The following NPAS3 variants were observed in gnomAD, a reference collection of about 807,000 sequenced individuals.
NPAS3 encodes the protein neuronal PAS domain protein 3, also known as neuronal PAS domain-containing protein 3.
In NPAS3, 14 loss-of-function variants were observed where a neutral mutation model predicts 73.1. That is an observed-to-expected ratio of 0.19 (90% CI 0.13 to 0.30). The LOEUF (loss-of-function observed/expected upper bound fraction) is 0.30, where lower values mean the gene tolerates loss of function less well. Ranked by LOEUF, NPAS3 falls within the 10% of genes least tolerant of loss-of-function variation. The pLI, the probability that NPAS3 is intolerant of heterozygous loss-of-function variation, is 1.00. For synonymous variants in NPAS3, 620 were observed against 541.5 expected, an observed-to-expected ratio of 1.14 and a Z score of -2.01; for missense variants, 1,096 against 1,250.0, an observed-to-expected ratio of 0.88 and a Z score of 1.86.
intron 4 of NPAS3, among the ~76,000 whole-genome samples, chr14:33,463,326 C>G (rs1163768606): frequency 6.6e-6 from 1 of 152,090 alleles, no homozygotes; most frequent in African/African-American, 2.4e-5. Flanking sequence ...TTTGTATCAC[C>G]TCAAATCTTG....
intron 4 of NPAS3, among the ~76,000 whole-genome samples, chr14:33,413,750 G>A (rs569922661): frequency 6.6e-6 from 1 of 152,034 alleles, no homozygotes; most frequent in Non-Finnish European, 1.5e-5. Context: ...CCTCTGAAAA[G>A]ACTTCAGACT....
At chr14:33,764,201 C>G (rs988863418) in intron 7 of NPAS3, among the ~76,000 whole-genome samples, 1 of 152,208 alleles carries the variant, frequency 6.6e-6, no homozygotes, top group Admixed American at 6.5e-5. Flanking sequence ...CTTCTCACAG[C>G]AGCAGAATGC....
At chr14:33,209,760 G>A (rs1020763660) in intron 2 of NPAS3, among the ~76,000 whole-genome samples, 1 of 152,046 alleles carries the variant, frequency 6.6e-6, no homozygotes, top group African/African-American at 2.4e-5. Flanking sequence ...ATTTAAAATG[G>A]TTTTGACCCT....
chr14:33,282,040 A>G (rs2041644887), intron 3 of NPAS3, among the ~76,000 whole-genome samples: 1 of 152,204 alleles, frequency 6.6e-6, no homozygotes, highest in Non-Finnish European at 1.5e-5. Context: ...CAGTAGCTGT[A>G]TATGCCACAA....
At chr14:33,116,876 A>G (rs1595482406) in intron 2 of NPAS3, among the ~76,000 whole-genome samples, 2 of 152,308 alleles carry the variant, frequency 1.3e-5, no homozygotes, top group East Asian at 3.9e-4. Context: ...TGCAACATGT[A>G]GTCCAACCAT....
chr14:33,800,273 A>G lies in NPAS3; in HGVS notation c.1966A>G (p.Ile656Val). Reference sequence around the variant, plus strand: ...GATCAAGACGGAGATCTCAGAACCCATCAATTTCGACAATGACAGCAGCAT... The same window carrying G: ...GATCAAGACGGAGATCTCAGAACCCGTCAATTTCGACAATGACAGCAGCAT... The change falls in exon 12 of 12, where the codon ATC becomes GTC. Residue 656 changes from isoleucine (I) to valine (V), a missense_variant. Physicochemically the swap from Ile to Val is conservative, Grantham distance 29. This residue lies in a region of NPAS3 where 698 missense variants were observed against 676.7 expected (regional missense o/e 1.03). Coordinates refer to ENST00000356141, the Ensembl canonical transcript of NPAS3. The surrounding 1 kb of genome is among the most constrained non-coding windows in gnomAD (Gnocchi z 6.5). The G allele has an allele frequency of 6.2e-7, 1 of 1,613,392 alleles. No individual in the cohort carries two copies. Among genetic ancestry groups the G allele is most frequent in the South Asian group, 1.1e-5 (1 of 91,062 alleles).
chr14:33,683,212 T>C lies in NPAS3; in HGVS notation c.733+6827T>C, dbSNP rs779542623. 4.1e-4 allele frequency among the ~76,000 whole-genome samples: 63 copies of C among 152,248 alleles called. No individual in the cohort carries two copies. In the Middle Eastern group the frequency reaches 0.014, roughly 33 times the overall value. ...TTATCAAAATATACAGTAGGTTCTC[T>C]CAGTTTATATGCAGCATTCTTTTTC... On this transcript the variant is annotated intron_variant, in intron 6 of 11. Transcript: ENST00000356141.
intron 5 of NPAS3, among the ~76,000 whole-genome samples, chr14:33,616,108 A>ATTTT (rs2057908485): frequency 6.6e-6 from 1 of 152,002 alleles, no homozygotes; most frequent in Admixed American, 6.5e-5. Context: ...GATATTAGCT[A>ATTTT]TTTTCCATGG....
At chr14:33,160,280 A>T (rs527596802) in intron 2 of NPAS3, among the ~76,000 whole-genome samples, 1 of 152,138 alleles carries the variant, frequency 6.6e-6, no homozygotes, top group Admixed American at 6.6e-5. Context: ...TGTCTTCAAC[A>T]TGGTAATATA....
chr14:33,665,799 CTAAT>C (rs932296489), intron 5 of NPAS3, among the ~76,000 whole-genome samples: 9 of 151,972 alleles, frequency 5.9e-5, no homozygotes, highest in Admixed American at 6.6e-5. Context: ...AATCCTGTCT[CTAAT>C]TAATTAATTA....
intron 4 of NPAS3, among the ~76,000 whole-genome samples, chr14:33,484,582 T>C (rs2051490637): frequency 6.6e-6 from 1 of 152,204 alleles, no homozygotes; most frequent in Non-Finnish European, 1.5e-5. Context: ...CATTTGTGAA[T>C]GTGTGTGAGG....
chr14:33,121,452 C>T (rs565599287), intron 2 of NPAS3, among the ~76,000 whole-genome samples: 48 of 152,220 alleles, frequency 3.2e-4, no homozygotes, highest in Admixed American at 9.8e-4. Flanking sequence ...AGACTGATTG[C>T]TCCTTGAAGG....
intron 2 of NPAS3, among the ~76,000 whole-genome samples, chr14:33,099,551 A>T (rs2042523462): frequency 6.6e-6 from 1 of 152,170 alleles, no homozygotes; most frequent in Non-Finnish European, 1.5e-5. Context: ...GCTTTGTATA[A>T]GGTAAACTCT....
At chr14:33,444,857 A>G (rs950221995) in intron 4 of NPAS3, among the ~76,000 whole-genome samples, 6 of 152,262 alleles carry the variant, frequency 3.9e-5, no homozygotes, top group Non-Finnish European at 8.8e-5. Flanking sequence ...TTTTGCCCGA[A>G]TGTTACTCCC....
intron 1 of NPAS3, among the ~76,000 whole-genome samples, chr14:33,028,930 T>C (rs2039898218): frequency 6.6e-6 from 1 of 152,190 alleles, no homozygotes. Context: ...ATCCATCATC[T>C]AAGTGTTAAG....
At chr14:32,966,599 T>TAGGGGAAACA (rs2037172102) in intron 1 of NPAS3, among the ~76,000 whole-genome samples, 2 of 74,718 alleles carry the variant, frequency 2.7e-5, no homozygotes, top group African/African-American at 6.7e-5. Flanking sequence ...TGAAACCCCG[T>TAGGGGAAACA]CTCTACTAAA....
intron 4 of NPAS3, among the ~76,000 whole-genome samples, chr14:33,439,357 A>G (rs984421586): frequency 6.6e-6 from 1 of 152,212 alleles, no homozygotes; most frequent in African/African-American, 2.4e-5. Flanking sequence ...AAACAGTTGC[A>G]TGAGTGGTTA....
At chr14:33,765,091 G>A (rs1231399221) in intron 7 of NPAS3, among the ~76,000 whole-genome samples, 3 of 152,058 alleles carry the variant, frequency 2.0e-5, no homozygotes, top group African/African-American at 4.8e-5. Context: ...CTAATGGGGG[G>A]GCCAGGCACA....
intron 9 of NPAS3, among the ~76,000 whole-genome samples, chr14:33,787,164 G>A (rs780577187): frequency 3.3e-5 from 5 of 152,104 alleles, no homozygotes; most frequent in South Asian, 2.1e-4. Flanking sequence ...AAAACAGCTC[G>A]TAAAATACTG....
Sources: allele counts gnomAD v4.1 joint callset (sites outside exome capture counted in the v4.1 genomes callset), GRCh38; gene constraint gnomAD v4.1.1; regional missense constraint gnomAD v4.1.1; non-coding constraint Gnocchi (gnomAD v3.1); transcripts MANE v1.5; gene names NCBI Gene and HGNC (gene_info 2026-07-23, HGNC 2026-07-21).